The following PLB1 variants were observed in gnomAD, a reference collection of about 807,000 sequenced individuals.
PLB1 encodes the protein phospholipase B1, also known as phospholipase B1, membrane-associated.
In PLB1, 242 loss-of-function variants were observed where a neutral mutation model predicts 227.4. The observed-to-expected ratio is 1.06, with a 90% CI of 0.96 to 1.18. PLB1 has a LOEUF of 1.18. PLB1 is among the 50% of genes most tolerant of loss of function. PLB1 has a pLI of 0.00. For missense variants in PLB1, 1,858 were observed against 1,816.3 expected (o/e 1.02, Z -0.42); for synonymous variants, 757 against 682.2 (o/e 1.11, Z -1.71).
chr2:28,572,878 T>C (rs12988023), intron 20 of PLB1, among the ~76,000 whole-genome samples: 76,030 of 152,084 alleles, frequency 0.5, 21,391 homozygotes, highest in Non-Finnish European at 0.65. Context: ...CTGTATACTT[T>C]CAATTGGTAA....
intron 1 of PLB1, among the ~76,000 whole-genome samples, chr2:28,496,938 T>G (rs1666522051): frequency 6.6e-6 from 1 of 152,202 alleles, no homozygotes; most frequent in Non-Finnish European, 1.5e-5. Context: ...GGAGGAGGCA[T>G]GGGACAGAGT....
chr2:28,505,134 G>A (rs774783111), intron 1 of PLB1, among the ~76,000 whole-genome samples: 2 of 152,158 alleles, frequency 1.3e-5, no homozygotes, highest in Non-Finnish European at 2.9e-5. Context: ...AAGATGGTCT[G>A]TGCTATTTTT....
In PLB1 at chr2:28,585,824, A is replaced by C; in HGVS notation, c.1797A>C (p.Glu599Asp). Residue 599 changes from glutamate to aspartate, a missense_variant, in exon 26 of 58, where the codon GAA (glutamate) becomes GAC (aspartate). Transcript: ENST00000327757. ...CAACAGAACTTGCTACCCTCATCGA[A>C]TTCAACAAGAAGTTTCAGGTAAGCC... ...DNSTELATLI[E>D]FNKKFQEKTH... 1 of 1,609,336 alleles carries C rather than the reference A, an allele frequency of 6.2e-7. No individual in the cohort carries two copies. Among genetic ancestry groups the C allele is most frequent in the African/African-American group, 1.3e-5 (1 of 74,916 alleles).
chr2:28,560,080 G>A (rs1197093659), intron 17 of PLB1, among the ~76,000 whole-genome samples: 1 of 152,148 alleles, frequency 6.6e-6, no homozygotes. Flanking sequence ...GAAGGCTGTT[G>A]AGAAAGCCTC....
At chr2:28,597,816 G>A (rs1230527390) in intron 33 of PLB1, among the ~76,000 whole-genome samples, 189 bp from the exon 34 acceptor site, 1 of 152,164 alleles carries the variant, frequency 6.6e-6, no homozygotes, top group African/African-American at 2.4e-5. Flanking sequence ...CCTGGATTCG[G>A]TAGGGAACCA....
rs140566500 is a variant in PLB1 at position 28,518,509 on chromosome 2, G to C, written c.161G>C (p.Gly54Ala). Residue 54 changes from glycine to alanine, a missense_variant, in exon 3 of 58, where the codon GGA becomes GCA. By Grantham distance (60) the Gly-to-Ala change is moderately conservative. Coordinates refer to ENST00000327757, the MANE Select transcript of PLB1 (RefSeq NM_153021.5). Reference sequence around the variant, plus strand: ...TTCCCATGCAACCCAAATAAATTAGGAGTGAATATGCCTTCTAAATCAGGT... The same window carrying C: ...TTCCCATGCAACCCAAATAAATTAGCAGTGAATATGCCTTCTAAATCAGGT... The part of the protein sequence containing the change: ...SPFPCNPNKL[G>A]VNMPSKSVHS... 2.8e-5 allele frequency: 45 copies of C among 1,612,772 alleles called. No homozygotes were observed. The highest frequency in any genetic ancestry group is 3.6e-5 in the Non-Finnish European group (43 of 1,178,928).
intron 44 of PLB1, 50 bp downstream of exon 44, chr2:28,614,146 T>C (rs1181953744): frequency 6.6e-7 from 1 of 1,503,760 alleles, no homozygotes; most frequent in South Asian, 1.1e-5. Context: ...CATTTCCACC[T>C]GCCAGGGGCT....
rs981530387 is a variant in PLB1 at position 28,532,122 on chromosome 2, A to G, written c.483A>G (p.Gln161=). The G allele has an allele frequency of 1.1e-5, 18 of 1,611,834 alleles. 1 individual carries two copies. In the Middle Eastern group the frequency reaches 4.9e-4, roughly 44 times the overall value. ...NMKENLQLDF[Q]FDWKLINVFF... ...CTTTTATTCAGCAACTTGACTTTCA[A>G]TTTGACTGGAAGCTCATCAATGTGT... is the stretch of plus-strand genomic sequence containing the variant. Residue 161 remains glutamine (Q), a synonymous_variant, in exon 9 of 58, where the codon CAA becomes CAG. Transcript: ENST00000327757.
chr2:28,613,106 G>A (rs748436682), intron 43 of PLB1, among the ~76,000 whole-genome samples: 12 of 151,896 alleles, frequency 7.9e-5, no homozygotes, highest in South Asian at 2.1e-4. Flanking sequence ...TTAATTTGTC[G>A]TAGAGATGGG....
intron 4 of PLB1, among the ~76,000 whole-genome samples, chr2:28,524,557 G>A (rs1375744334): frequency 6.6e-6 from 1 of 152,188 alleles, no homozygotes; most frequent in Non-Finnish European, 1.5e-5. Context: ...TAGGTCCAAG[G>A]AACATAGTTA....
intron 57 of PLB1, 120 bp from the exon 58 acceptor site, chr2:28,642,738 G>T: frequency 1.1e-6 from 1 of 874,040 alleles, no homozygotes; most frequent in South Asian, 1.9e-5. Flanking sequence ...CAAAAGGGAA[G>T]CTCTGTGAAA....
intron 41 of PLB1, 61 bp downstream of exon 41, chr2:28,604,820 C>T (rs780096268): frequency 9.8e-5 from 141 of 1,440,716 alleles, no homozygotes; most frequent in Non-Finnish European, 1.3e-4. Flanking sequence ...GGCAGAATTG[C>T]CAGTTGCTTC....
intron 4 of PLB1, among the ~76,000 whole-genome samples, chr2:28,524,844 CTTTTTTT>C (rs779955635): frequency 1.9e-5 from 2 of 106,598 alleles, no homozygotes; most frequent in African/African-American, 3.9e-5. Context: ...CTCTCTCTCT[CTTTTTTT>C]TTTTTTTTTT....
At chr2:28,541,883 AGC>A in intron 13 of PLB1, 72 bp downstream of exon 13, 1 of 1,297,282 alleles carries the variant, frequency 7.7e-7, no homozygotes, top group Non-Finnish European at 1.1e-6. Flanking sequence ...CTGTAATCCC[AGC>A]ACTTTGGGAG....
In PLB1 at chr2:28,633,047, G is replaced by T; in HGVS notation, c.4098+8G>T. 1 of 1,612,568 alleles carries T rather than the reference G, an allele frequency of 6.2e-7. No individual in the cohort carries two copies. ...GCACTCTGGAACAACATGGTGAGCAGCCAAGGGCCTGGTGGGCCTTGTCAA... is the reference window on the plus strand; with the variant it reads ...GCACTCTGGAACAACATGGTGAGCATCCAAGGGCCTGGTGGGCCTTGTCAA... On this transcript the variant is annotated splice_region_variant and intron_variant, in intron 56 of 57. Coordinates refer to ENST00000327757, the MANE Select transcript of PLB1 (RefSeq NM_153021.5).
intron 26 of PLB1, among the ~76,000 whole-genome samples, chr2:28,586,908 C>T (rs562534168): frequency 7.9e-5 from 12 of 152,192 alleles, no homozygotes; most frequent in Admixed American, 2.0e-4. Flanking sequence ...CCACCACACC[C>T]GGCTACTTTT....
intron 6 of PLB1, among the ~76,000 whole-genome samples, chr2:28,527,213 T>G (rs1027668529): frequency 6.6e-6 from 1 of 152,234 alleles, no homozygotes; most frequent in African/African-American, 2.4e-5. Context: ...TTTGCCCTGT[T>G]ACAAGTCTGA....
rs1286786386 is a variant in PLB1, at chr2:28,580,682, C to G, written c.1566+975C>G. On this transcript the variant is annotated intron_variant, in intron 23 of 57. Coordinates refer to ENST00000327757, the MANE Select transcript of PLB1 (RefSeq NM_153021.5). ...TGAGCTGAGATCATGCCACTGCACT[C>G]CAGCCTGGGTGACAAAGCGAGACTC... Among the ~76,000 whole-genome samples the G allele has an allele frequency of 2.6e-5, 4 of 151,734 alleles. No homozygotes were observed. In the East Asian group the frequency reaches 7.7e-4, roughly 29 times the overall value.
rs899738886 is a variant in PLB1, at chr2:28,547,253, C to T, written c.937-1607C>T. ...AATTGGGGAAGAGAAGGTGGCAAGA[C>T]AGATCAGCACCTGGCCCTCACCCAG... On this transcript the variant is annotated intron_variant, in intron 14 of 57. Transcript: ENST00000327757. 2.7e-5 allele frequency among the ~76,000 whole-genome samples: 4 copies of T among 148,804 alleles called. No individual in the cohort carries two copies. The East Asian group carries it at 7.9e-4, about 29-fold the overall frequency.
Sources: allele counts gnomAD v4.1 joint callset (sites outside exome capture counted in the v4.1 genomes callset), GRCh38; gene constraint gnomAD v4.1.1; transcripts MANE v1.5; gene names NCBI Gene and HGNC (gene_info 2026-07-23, HGNC 2026-07-21).